The following CNTNAP4 variants were observed in gnomAD, a reference collection of about 807,000 sequenced individuals.
CNTNAP4 encodes contactin associated protein family member 4.
CNTNAP4 carries 98 observed loss-of-function variants against 148.4 expected under a neutral mutation model. The observed-to-expected ratio is 0.66, with a 90% CI of 0.56 to 0.78. The LOEUF (loss-of-function observed/expected upper bound fraction) is 0.78. Among genes scored for constraint, CNTNAP4 ranks in the 30% least tolerant of loss-of-function variants. CNTNAP4 has a pLI of 0.00. For synonymous variants in CNTNAP4, 730 were observed against 565.1 expected (o/e 1.29, Z -4.14); for missense variants, 1,935 against 1,565.6 (o/e 1.24, Z -3.98).
At chr16:76,331,219 G>A (rs1030226467) in intron 2 of CNTNAP4, among the ~76,000 whole-genome samples, 5 of 150,328 alleles carry the variant, frequency 3.3e-5, no homozygotes, top group East Asian at 1.9e-4. Flanking sequence ...ACAGAGTCTC[G>A]CTCTGTTGCC....
intron 2 of CNTNAP4, among the ~76,000 whole-genome samples, chr16:76,336,945 G>T (rs1964074741): frequency 6.6e-6 from 1 of 152,084 alleles, no homozygotes; most frequent in African/African-American, 2.4e-5. Context: ...TTAATACCAA[G>T]AATAAGAAGT....
chr16:76,429,419 T>C (rs2079535985), intron 4 of CNTNAP4, among the ~76,000 whole-genome samples: 1 of 152,206 alleles, frequency 6.6e-6, no homozygotes, highest in African/African-American at 2.4e-5. Flanking sequence ...TAACAGTTAT[T>C]GTGCATGTAT....
intron 3 of CNTNAP4, among the ~76,000 whole-genome samples, chr16:76,386,950 G>A (rs2016564261): frequency 6.6e-6 from 1 of 152,116 alleles, no homozygotes; most frequent in Admixed American, 6.6e-5. Context: ...ACTTGCTTTT[G>A]TTGGCTTTGA....
chr16:76,439,844 C>T (rs1333440168), intron 4 of CNTNAP4, among the ~76,000 whole-genome samples: 1 of 152,030 alleles, frequency 6.6e-6, no homozygotes, highest in Non-Finnish European at 1.5e-5. Context: ...TGCTACCATG[C>T]AAAAATAGTA....
chr16:76,414,881 C>A (rs1335762246), intron 3 of CNTNAP4, among the ~76,000 whole-genome samples: 5 of 151,172 alleles, frequency 3.3e-5, no homozygotes, highest in African/African-American at 1.2e-4. Context: ...TTATTCATGT[C>A]TCCTATTTTT....
intron 6 of CNTNAP4, 52 bp from the exon 7 acceptor site, chr16:76,449,663 G>A (rs768605721): frequency 2.4e-5 from 36 of 1,469,618 alleles, no homozygotes; most frequent in Middle Eastern, 4.7e-4. Context: ...TAATTAAGCA[G>A]ATTTTTAGAA....
At chr16:76,490,353 A>G (rs2082170976) in intron 13 of CNTNAP4, among the ~76,000 whole-genome samples, 1 of 152,204 alleles carries the variant, frequency 6.6e-6, no homozygotes, top group African/African-American at 2.4e-5. Context: ...GCTGCCAGAG[A>G]CACAGTTGAT....
intron 12 of CNTNAP4, among the ~76,000 whole-genome samples, chr16:76,485,556 G>GA (rs1320133499): frequency 6.6e-6 from 1 of 152,164 alleles, no homozygotes; most frequent in Admixed American, 6.5e-5. Flanking sequence ...TTCTAAAAGT[G>GA]AAAACTCTAT....
intron 3 of CNTNAP4, among the ~76,000 whole-genome samples, chr16:76,382,060 CAAAAAAAAAA>C (rs67028367): frequency 1.4e-3 from 75 of 53,334 alleles, no homozygotes; most frequent in African/African-American, 4.6e-3. Flanking sequence ...GACTCCGTCT[CAAAAAAAAAA>C]AAAAAAAAAA....
intron 7 of CNTNAP4, among the ~76,000 whole-genome samples, chr16:76,451,625 G>GTGTGTGTGTGTA (rs2080481577): frequency 1.3e-5 from 2 of 151,814 alleles, no homozygotes; most frequent in South Asian, 4.2e-4. Context: ...GTGTGTGTGT[G>GTGTGTGTGTGTA]TGTGTGTGTA....
At chr16:76,424,611 T>C (rs1013632557) in intron 3 of CNTNAP4, among the ~76,000 whole-genome samples, 7 of 151,906 alleles carry the variant, frequency 4.6e-5, no homozygotes, top group African/African-American at 1.5e-4. Context: ...GAAAAAAAAT[T>C]AGCCAGCCAT....
chr16:76,531,834 T>C (rs1321830405), intron 17 of CNTNAP4, among the ~76,000 whole-genome samples: 1 of 152,184 alleles, frequency 6.6e-6, no homozygotes, highest in Non-Finnish European at 1.5e-5. Flanking sequence ...AGACATTATG[T>C]TTTCTGGTCA....
At chr16:76,429,215 A>G (rs1233812796) in intron 4 of CNTNAP4, among the ~76,000 whole-genome samples, 2 of 152,100 alleles carry the variant, frequency 1.3e-5, no homozygotes, top group East Asian at 3.9e-4. Context: ...CCTACCCCCA[A>G]TTATGATCCT....
chr16:76,426,160 G>C (rs1187210006), intron 3 of CNTNAP4, among the ~76,000 whole-genome samples: 1 of 152,116 alleles, frequency 6.6e-6, no homozygotes, highest in African/African-American at 2.4e-5. Flanking sequence ...GTAGGGGATT[G>C]ATTGACAAGG....
intron 1 of CNTNAP4, among the ~76,000 whole-genome samples, chr16:76,305,352 AGATT>A (rs1427709770): frequency 1.3e-5 from 2 of 152,106 alleles, no homozygotes; most frequent in Non-Finnish European, 1.5e-5. Flanking sequence ...ACTAGATCGT[AGATT>A]GATTGATTTT....
chr16:76,497,740 G>A (rs908932417), intron 14 of CNTNAP4, among the ~76,000 whole-genome samples: 3 of 152,266 alleles, frequency 2.0e-5, no homozygotes, highest in Non-Finnish European at 4.4e-5. Context: ...AATACCTAAT[G>A]TAGATGATGG....
intron 1 of CNTNAP4, among the ~76,000 whole-genome samples, chr16:76,304,625 T>A (rs1274757277): frequency 6.6e-6 from 1 of 152,168 alleles, no homozygotes; most frequent in Non-Finnish European, 1.5e-5. Context: ...AATAAAATTA[T>A]ACATGTGGAC....
At chr16:76,352,037 A>G (rs1383047618) in intron 2 of CNTNAP4, among the ~76,000 whole-genome samples, 1 of 152,198 alleles carries the variant, frequency 6.6e-6, no homozygotes, top group Admixed American at 6.5e-5. Context: ...GTGTTTTCTC[A>G]AAGGTATTAG....
At chr16:76,558,333 C>T (rs1023424935) in intron 23 of CNTNAP4, 157 bp from the exon 24 acceptor site, 4 of 544,950 alleles carry the variant, frequency 7.3e-6, no homozygotes, top group South Asian at 2.8e-5. Flanking sequence ...AATAATACTG[C>T]TTGAGCCAGA....
Sources: allele counts gnomAD v4.1 joint callset (sites outside exome capture counted in the v4.1 genomes callset), GRCh38; gene constraint gnomAD v4.1.1; transcripts MANE v1.5; gene names NCBI Gene and HGNC (gene_info 2026-07-23, HGNC 2026-07-21).